The following RAD51B variants were observed in gnomAD, a reference collection of about 807,000 sequenced individuals.
RAD51B encodes RAD51 paralog B.
In RAD51B, 38 loss-of-function variants were observed where a neutral mutation model predicts 42.2. The observed-to-expected ratio is 0.90, with a 90% CI of 0.70 to 1.18. The LOEUF is 1.18. RAD51B is among the 50% of genes most tolerant of loss of function. The pLI, the probability that RAD51B is intolerant of heterozygous loss-of-function variation, is 0.00. For missense variants in RAD51B, 373 were observed against 400.7 expected (o/e 0.93, Z 0.59); for synonymous variants, 154 against 145.2 (o/e 1.06, Z -0.43).
intron 7 of RAD51B, among the ~76,000 whole-genome samples, chr14:68,012,275 T>C (rs2075696942): frequency 6.6e-6 from 1 of 152,030 alleles, no homozygotes; most frequent in Non-Finnish European, 1.5e-5. Context: ...TAAAGATGGG[T>C]TTATTAATTT....
chr14:68,507,726 G>T (rs555946164), intron 10 of RAD51B, among the ~76,000 whole-genome samples: 1 of 152,154 alleles, frequency 6.6e-6, no homozygotes, highest in African/African-American at 2.4e-5. Context: ...TTACCAAAGT[G>T]CCAGCATCAC....
chr14:67,989,277 C>T lies in RAD51B; in HGVS notation c.756+102073C>T, dbSNP rs538122458. 2.0e-5 allele frequency among the ~76,000 whole-genome samples: 3 copies of T among 152,326 alleles called. No individual in the cohort carries two copies. The East Asian group carries it at 5.8e-4, about 29-fold the overall frequency. On this transcript the variant is annotated intron_variant, in intron 7 of 10. Coordinates refer to ENST00000471583, the MANE Select transcript of RAD51B (RefSeq NM_133510.4). ...TAGAATTCCATAGAAATTACTGACACATTTTCTAAAAGAAAGATATTTTTA... is the reference window on the plus strand; with the variant it reads ...TAGAATTCCATAGAAATTACTGACATATTTTCTAAAAGAAAGATATTTTTA...
intron 7 of RAD51B, among the ~76,000 whole-genome samples, chr14:68,260,200 A>G (rs745754268): frequency 1.3e-5 from 2 of 151,106 alleles, no homozygotes; most frequent in Non-Finnish European, 3.0e-5. Context: ...TGAGGAAAAC[A>G]TATTCAAATA....
intron 7 of RAD51B, among the ~76,000 whole-genome samples, chr14:67,924,584 C>G (rs7145771): frequency 0.27 from 41,522 of 152,066 alleles, 7,363 homozygotes; most frequent in African/African-American, 0.5. Flanking sequence ...CAGGCAAAGA[C>G]TTTGTGCAGA....
intron 10 of RAD51B, among the ~76,000 whole-genome samples, chr14:68,592,996 G>C (rs1890825379): frequency 6.6e-6 from 1 of 152,188 alleles, no homozygotes; most frequent in Admixed American, 6.5e-5. Context: ...GGGTATGCTA[G>C]AAAGTGGAAC....
intron 7 of RAD51B, among the ~76,000 whole-genome samples, chr14:68,238,741 T>C (rs1156433150): frequency 6.6e-6 from 1 of 152,242 alleles, no homozygotes; most frequent in Non-Finnish European, 1.5e-5. Context: ...CGTTGTGGTC[T>C]GTGGAACACC....
intron 8 of RAD51B, among the ~76,000 whole-genome samples, chr14:68,365,481 C>T (rs2083123209): frequency 6.6e-6 from 1 of 152,210 alleles, no homozygotes; most frequent in Admixed American, 6.5e-5. Flanking sequence ...GTGTATCATA[C>T]AATCTAGATA....
intron 11 of RAD51B, among the ~76,000 whole-genome samples, chr14:68,667,105 T>G (rs1055755645): frequency 1.3e-5 from 2 of 152,240 alleles, no homozygotes; most frequent in Non-Finnish European, 2.9e-5. Context: ...TCTAGAGAGA[T>G]GTAGCTATAG....
intron 10 of RAD51B, among the ~76,000 whole-genome samples, chr14:68,528,010 T>A (rs1005591533): frequency 8.5e-5 from 13 of 152,228 alleles, no homozygotes; most frequent in Admixed American, 6.5e-5. Context: ...TTATTTTTTT[T>A]AAAAGTCTTC....
chr14:67,994,377 A>G (rs34274745), intron 7 of RAD51B, among the ~76,000 whole-genome samples: 3,787 of 152,288 alleles, frequency 0.025, 56 homozygotes, highest in Non-Finnish European at 0.032. Flanking sequence ...CCTGCAGGAT[A>G]AATGAATAGT....
chr14:68,480,278 T>C (rs1883071560), downstream of RAD51B, among the ~76,000 whole-genome samples: 1 of 152,170 alleles, frequency 6.6e-6, no homozygotes, highest in Non-Finnish European at 1.5e-5. Flanking sequence ...AGTTTCACCA[T>C]GTTGGCCAGG....
intron 10 of RAD51B, among the ~76,000 whole-genome samples, chr14:68,522,705 A>T (rs1886665863): frequency 6.6e-6 from 1 of 152,216 alleles, no homozygotes; most frequent in South Asian, 2.1e-4. Context: ...AGAAGAGAAA[A>T]GCAAAACAAA....
intron 7 of RAD51B, among the ~76,000 whole-genome samples, chr14:68,022,379 C>T (rs149284733): frequency 8.3e-4 from 127 of 152,184 alleles, no homozygotes; most frequent in African/African-American, 2.9e-3. Flanking sequence ...TTGTGAATAT[C>T]CTGGTGATGA....
intron 10 of RAD51B, chr14:68,540,166 CTTTTT>C (rs11321834): frequency 2.6e-3 from 1,520 of 585,316 alleles, no homozygotes; most frequent in Middle Eastern, 3.7e-3. Context: ...TACCCTGCTC[CTTTTT>C]TTTTTTTTTT....
chr14:68,144,838 T>G (rs967798190), intron 7 of RAD51B, among the ~76,000 whole-genome samples: 4 of 152,236 alleles, frequency 2.6e-5, no homozygotes, highest in African/African-American at 9.6e-5. Context: ...TAAAATTCTT[T>G]TTTTGATGGG....
At chr14:68,256,470 T>C (rs1482700133) in intron 7 of RAD51B, among the ~76,000 whole-genome samples, 1 of 152,202 alleles carries the variant, frequency 6.6e-6, no homozygotes, top group Non-Finnish European at 1.5e-5. Context: ...CATTTTTATG[T>C]CTGGCTTTTA....
At chr14:68,415,550 C>T (rs896629548) in intron 9 of RAD51B, among the ~76,000 whole-genome samples, 1 of 152,136 alleles carries the variant, frequency 6.6e-6, no homozygotes, top group African/African-American at 2.4e-5. Context: ...GCATGTAAAC[C>T]GGACTTGCAG....
chr14:68,333,530 A>C (rs548789310), intron 8 of RAD51B, among the ~76,000 whole-genome samples: 2 of 152,248 alleles, frequency 1.3e-5, no homozygotes, highest in Admixed American at 6.5e-5. Flanking sequence ...CCCAGCAGCT[A>C]CACTTCTAGC....
chr14:68,650,714 T>C, intron 10 of RAD51B: 1 of 701,088 alleles, frequency 1.4e-6, no homozygotes, highest in Non-Finnish European at 2.6e-6. Context: ...TAAGAAAGCC[T>C]GGATGAATCC....
Sources: gnomAD v4.1 joint callset for allele counts (sites outside exome capture counted in the v4.1 genomes callset) on GRCh38, gnomAD v4.1.1 for gene constraint, MANE v1.5 for transcripts, NCBI Gene and HGNC (gene_info 2026-07-23, HGNC 2026-07-21) for gene names.